ZFAND6: variants seen among roughly 807,000 people sequenced by gnomAD.
ZFAND6 encodes zinc finger AN1-type containing 6, also known as AN1-type zinc finger protein 6.
A neutral mutation model predicts 24.5 loss-of-function variants in ZFAND6; 12 were observed. The ratio of observed to expected loss-of-function variants is 0.49; its 90% CI spans 0.31 to 0.79. The LOEUF (loss-of-function observed/expected upper bound fraction) is 0.79. Among genes scored for constraint, ZFAND6 ranks in the 30% least tolerant of loss-of-function variants. The probability of loss-of-function intolerance (pLI) is 0.04; values close to 1 mark genes in which losing one functional copy is unlikely to be tolerated. For missense variants in ZFAND6, 207 were observed against 245.9 expected, an observed-to-expected ratio of 0.84 and a Z score of 1.06; for synonymous variants, 92 against 81.5, an observed-to-expected ratio of 1.13 and a Z score of -0.69.
chr15:80,104,671 C>A (rs528646309), intron 2 of ZFAND6, among the ~76,000 whole-genome samples: 2 of 152,146 alleles, frequency 1.3e-5, no homozygotes, highest in East Asian at 3.8e-4. Context: ...GGTAATATTT[C>A]ATTGTACTTT....
chr15:80,117,254 G>A (rs776540923), intron 2 of ZFAND6, among the ~76,000 whole-genome samples: 50 of 150,384 alleles, frequency 3.3e-4, no homozygotes, highest in Admixed American at 2.8e-3. Flanking sequence ...ACGGAGTCTC[G>A]CTCTGTTGCC....
At chr15:80,079,602 A>C (rs1384713663) in intron 1 of ZFAND6, among the ~76,000 whole-genome samples, 1 of 151,366 alleles carries the variant, frequency 6.6e-6, no homozygotes, top group Non-Finnish European at 1.5e-5. Context: ...TTTGAATGTT[A>C]TAATAGATTT....
At chr15:80,130,486 T>G (rs2040550426) in intron 5 of ZFAND6, 2 of 152,180 alleles carry the variant, frequency 1.3e-5, no homozygotes, top group Admixed American at 1.3e-4. Context: ...TCATATTATA[T>G]GATTCTGACT....
chr15:80,075,917 C>G (rs550476740), intron 1 of ZFAND6, among the ~76,000 whole-genome samples: 30 of 152,192 alleles, frequency 2.0e-4, no homozygotes, highest in Admixed American at 7.2e-4. Flanking sequence ...CCTGTGTCAT[C>G]TGCTACCAAT....
At chr15:80,065,420 AGTGTGTTTCT>A (rs1411523511) in intron 1 of ZFAND6, among the ~76,000 whole-genome samples, 1 of 151,844 alleles carries the variant, frequency 6.6e-6, no homozygotes, top group Non-Finnish European at 1.5e-5. Context: ...TTTGTAAACA[AGTGTGTTTCT>A]GTTATTGTTT....
At chr15:80,102,974 T>C (rs1025703940) in intron 2 of ZFAND6, among the ~76,000 whole-genome samples, 3 of 152,214 alleles carry the variant, frequency 2.0e-5, no homozygotes, top group Non-Finnish European at 4.4e-5. Context: ...CTTGGTACTT[T>C]TTATGTGTGT....
intron 1 of ZFAND6, among the ~76,000 whole-genome samples, chr15:80,097,434 G>A (rs919995765): frequency 1.3e-5 from 2 of 152,122 alleles, no homozygotes; most frequent in Non-Finnish European, 2.9e-5. Context: ...GATCACCTGA[G>A]GTCAGGAATT....
intron 1 of ZFAND6, among the ~76,000 whole-genome samples, chr15:80,068,800 C>T (rs139697314): frequency 3.9e-5 from 6 of 152,386 alleles, no homozygotes; most frequent in African/African-American, 1.2e-4. Context: ...TAGAAAACCA[C>T]ATGTGGCTCT....
chr15:80,076,333 G>A lies in ZFAND6; in HGVS notation c.-181+16524G>A, dbSNP rs536423010. ...TCTGATTCTTCTTCATCACCAGTTA[G>A]CCACAATTAGCCTATAAATTTTAAA... On this transcript the variant is annotated intron_variant, in intron 1 of 6. Coordinates refer to ENST00000261749, the MANE Select transcript of ZFAND6 (RefSeq NM_019006.4). 1.4e-3 allele frequency among the ~76,000 whole-genome samples: 215 copies of A among 151,784 alleles called. 1 individual carries two copies. Among genetic ancestry groups the A allele is most frequent in the Non-Finnish European group, 2.2e-3 (151 of 67,946 alleles).
chr15:80,071,650 C>T (rs967638477), intron 1 of ZFAND6, among the ~76,000 whole-genome samples: 6 of 150,980 alleles, frequency 4.0e-5, no homozygotes, highest in Non-Finnish European at 5.9e-5. Flanking sequence ...TATTATTTAA[C>T]GTAGCTTAGT....
chr15:80,116,477 A>G (rs2039881022), intron 2 of ZFAND6, among the ~76,000 whole-genome samples: 1 of 152,220 alleles, frequency 6.6e-6, no homozygotes, highest in African/African-American at 2.4e-5. Flanking sequence ...GAAGAGTGGC[A>G]TTGTTAACAC....
At chr15:80,125,894 T>C (rs1460534953) in intron 5 of ZFAND6, among the ~76,000 whole-genome samples, 3 of 152,224 alleles carry the variant, frequency 2.0e-5, no homozygotes, top group Non-Finnish European at 4.4e-5. Context: ...ATGTCCCTCT[T>C]ACAGGGTATT....
chr15:80,089,980 A>G (rs1249690833), intron 1 of ZFAND6, among the ~76,000 whole-genome samples: 7 of 152,214 alleles, frequency 4.6e-5, no homozygotes. Flanking sequence ...GTCTCCCACC[A>G]TAAACCAAAA....
intron 1 of ZFAND6, among the ~76,000 whole-genome samples, chr15:80,086,334 C>T (rs550882618): frequency 7.2e-5 from 11 of 152,314 alleles, no homozygotes; most frequent in South Asian, 6.2e-4. Flanking sequence ...CACTTGCACC[C>T]GGCCTAAAAC....
intron 6 of ZFAND6, among the ~76,000 whole-genome samples, chr15:80,134,414 G>C (rs1300328980): frequency 6.6e-6 from 1 of 152,224 alleles, no homozygotes; most frequent in East Asian, 1.9e-4. Context: ...CTCTAGGTCA[G>C]GGGTCGTAAA....
At chr15:80,113,075 G>A (rs1407684362) in intron 2 of ZFAND6, among the ~76,000 whole-genome samples, 1 of 152,126 alleles carries the variant, frequency 6.6e-6, no homozygotes, top group Non-Finnish European at 1.5e-5. Context: ...AAAGCTTAAT[G>A]TGCATTCTTA....
rs12594497 is a variant in ZFAND6 at position 80,095,797 on chromosome 15, C to T, written c.-180-2619C>T. Among the ~76,000 whole-genome samples the T allele has an allele frequency of 0.02, 3,088 of 152,216 alleles. 223 individuals carry two copies. In the East Asian group the frequency reaches 0.22, roughly 11 times the overall value. ...TGCTTTATTTGTGTCTCTCTAACTG[C>T]CCTTCAAAATGTGTTCTTTTTTGTC... On this transcript the variant is annotated intron_variant, in intron 1 of 6. Coordinates refer to ENST00000261749, the MANE Select transcript of ZFAND6 (RefSeq NM_019006.4).
At position 80,059,724 on chromosome 15, in the gene ZFAND6, G is replaced by A. The variant is rs1266179149; in HGVS notation, c.-266G>A. On this transcript the variant is annotated 5_prime_UTR_variant, in exon 1 of 7. Coordinates refer to ENST00000261749, the MANE Select transcript of ZFAND6 (RefSeq NM_019006.4). The stretch of plus-strand genomic sequence containing the variant: ...GGCGGTGGCGGAGCCGGAGCAAGCA[G>A]GGGTTCGGCGGCATTACCTGTACCC... 6.6e-6 allele frequency: 1 copy of A among 152,580 alleles called. No individual in the cohort carries two copies. The highest frequency in any genetic ancestry group is 2.4e-5 in the African/African-American group (1 of 41,456). 9.5% of individuals were successfully genotyped at this position (152,580 alleles called of 1,614,324 possible).
intron 2 of ZFAND6, among the ~76,000 whole-genome samples, chr15:80,104,167 A>T (rs1381848691): frequency 1.4e-5 from 2 of 142,372 alleles, no homozygotes; most frequent in Non-Finnish European, 2.9e-5. Flanking sequence ...CTCTGGCTCC[A>T]CTCCATGAAG....
Sources: allele counts gnomAD v4.1 joint callset (sites outside exome capture counted in the v4.1 genomes callset), GRCh38; gene constraint gnomAD v4.1.1; transcripts MANE v1.5; gene names NCBI Gene and HGNC (gene_info 2026-07-23, HGNC 2026-07-21).